The following FCHSD2 variants were observed in gnomAD, a reference collection of about 807,000 sequenced individuals.
FCHSD2 encodes the protein FCH and double SH3 domains 2.
Under a neutral mutation model 108.1 loss-of-function variants are expected in FCHSD2, and 38 were observed. That is an observed-to-expected ratio of 0.35 (90% CI 0.27 to 0.46). The LOEUF is 0.46. FCHSD2 is among the 20% of genes least tolerant of loss of function. The pLI, the probability that FCHSD2 is intolerant of heterozygous loss-of-function variation, is 1.00. For synonymous variants in FCHSD2, 279 were observed against 314.7 expected, an observed-to-expected ratio of 0.89 and a Z score of 1.20; for missense variants, 751 against 897.8, an observed-to-expected ratio of 0.84 and a Z score of 2.09.
intron 2 of FCHSD2, among the ~76,000 whole-genome samples, chr11:73,087,882 C>T (rs1169275376): frequency 1.3e-5 from 2 of 152,152 alleles, no homozygotes; most frequent in Non-Finnish European, 2.9e-5. Flanking sequence ...AAGTGCCCTA[C>T]ACAGTAATAC....
At chr11:72,856,085 T>A (rs999569171) in intron 13 of FCHSD2, among the ~76,000 whole-genome samples, 2 of 152,340 alleles carry the variant, frequency 1.3e-5, no homozygotes, top group South Asian at 4.1e-4. Context: ...ACAGGCAGGA[T>A]TGGCCTTCAT....
Position 72,840,952 on chromosome 11 carries a change from G to T in FCHSD2, c.2064C>A (p.Ser688Arg). Residue 688 changes from serine (S) to arginine (R), a missense_variant, in exon 19 of 20, where the codon AGC becomes AGA. Coordinates refer to ENST00000409418, the MANE Select transcript of FCHSD2 (RefSeq NM_014824.3). ...FPRSPSANEK[S>R]LHAESPGFSQ... Reference sequence around the variant, plus strand: ...AGAATCCTGGTGACTCAGCATGAAGGCTTTTTTCTAAGGGAGAAAACCAAA... The same window carrying T: ...AGAATCCTGGTGACTCAGCATGAAGTCTTTTTTCTAAGGGAGAAAACCAAA... 6.2e-7 allele frequency: 1 copy of T among 1,612,244 alleles called. No individual in the cohort carries two copies. Among genetic ancestry groups the T allele is most frequent in the Non-Finnish European group, 8.5e-7 (1 of 1,178,520 alleles).
At chr11:72,914,822 G>A (rs1333060248) in intron 9 of FCHSD2, among the ~76,000 whole-genome samples, 1 of 152,066 alleles carries the variant, frequency 6.6e-6, no homozygotes, top group South Asian at 2.1e-4. Flanking sequence ...ACATAGGCAT[G>A]GGCAAAGATT....
chr11:72,930,578 C>A (rs1301557575), intron 8 of FCHSD2, among the ~76,000 whole-genome samples: 1 of 152,108 alleles, frequency 6.6e-6, no homozygotes. Flanking sequence ...AACCCCGTCT[C>A]TACCAAAAAT....
rs1340081036 is a variant in FCHSD2 at position 73,015,817 on chromosome 11, A to G, written c.234T>C (p.Asn78=). 2.5e-6 allele frequency: 4 copies of G among 1,602,132 alleles called. No homozygotes were observed. In the South Asian group the frequency reaches 4.5e-5, roughly 18 times the overall value. The change falls in exon 4 of 20, where the codon AAT becomes AAC. Residue 78 remains asparagine, a synonymous_variant. Transcript: ENST00000409418. ...DWPGVKADDR[N]DYRSMYPVWK... ...AAAAACTACTAATTTACCTGTAATC[A>G]TTCCGATCATCAGCTTTTACTCCAG...
chr11:73,110,181 G>T (rs916482113), intron 2 of FCHSD2, among the ~76,000 whole-genome samples: 1 of 151,684 alleles, frequency 6.6e-6, no homozygotes, highest in African/African-American at 2.4e-5. Flanking sequence ...TTGGTCTTTG[G>T]TATCAGGGTA....
intron 9 of FCHSD2, among the ~76,000 whole-genome samples, chr11:72,910,625 G>A (rs1327190368): frequency 2.6e-5 from 4 of 152,078 alleles, no homozygotes; most frequent in Non-Finnish European, 5.9e-5. Context: ...CCTGAAGGCA[G>A]CATGCTCGTT....
chr11:72,977,865 T>C (rs1028073029), intron 8 of FCHSD2, among the ~76,000 whole-genome samples: 1 of 152,236 alleles, frequency 6.6e-6, no homozygotes, highest in Non-Finnish European at 1.5e-5. Context: ...CATGCACATA[T>C]ATGTTTACTG....
chr11:72,896,153 A>G (rs1391979042), intron 10 of FCHSD2, among the ~76,000 whole-genome samples: 3 of 152,230 alleles, frequency 2.0e-5, no homozygotes, highest in Non-Finnish European at 2.9e-5. Context: ...GCAGAATTAA[A>G]TATCAGAAAT....
intron 3 of FCHSD2, among the ~76,000 whole-genome samples, chr11:73,036,765 A>T (rs1858508339): frequency 6.6e-6 from 1 of 152,238 alleles, no homozygotes; most frequent in South Asian, 2.1e-4. Context: ...TTCAACCCTC[A>T]AGAAGTCTTC....
intron 12 of FCHSD2, among the ~76,000 whole-genome samples, chr11:72,885,133 T>G (rs1180526863): frequency 6.6e-6 from 1 of 152,218 alleles, no homozygotes; most frequent in Non-Finnish European, 1.5e-5. Flanking sequence ...ATCCAAAAAT[T>G]TTATTATGAT....
intron 3 of FCHSD2, among the ~76,000 whole-genome samples, chr11:73,072,037 C>T (rs1197915242): frequency 6.6e-6 from 1 of 151,838 alleles, no homozygotes; most frequent in Non-Finnish European, 1.5e-5. Flanking sequence ...CAAACTCAAC[C>T]AGTGGGACCA....
chr11:73,010,339 TG>T (rs1161982126), intron 4 of FCHSD2, among the ~76,000 whole-genome samples: 1 of 152,254 alleles, frequency 6.6e-6, no homozygotes, highest in South Asian at 2.1e-4. Context: ...AGAATTTTCT[TG>T]TATCTCATTG....
chr11:73,087,495 C>T (rs960676813), intron 2 of FCHSD2, among the ~76,000 whole-genome samples: 2 of 152,038 alleles, frequency 1.3e-5, no homozygotes, highest in African/African-American at 4.8e-5. Context: ...CACTTGAGGT[C>T]AGGAGTTTGA....
chr11:72,965,374 A>AGT (rs1314265863), intron 8 of FCHSD2, among the ~76,000 whole-genome samples: 4 of 152,180 alleles, frequency 2.6e-5, no homozygotes, highest in African/African-American at 9.6e-5. Context: ...TCTATGCACT[A>AGT]AAACACAGTA....
At chr11:72,943,071 A>T (rs1157946929) in intron 8 of FCHSD2, among the ~76,000 whole-genome samples, 1 of 152,130 alleles carries the variant, frequency 6.6e-6, no homozygotes, top group Non-Finnish European at 1.5e-5. Context: ...GGCTCACTAC[A>T]ACCTCCGCCT....
At chr11:72,866,254 G>A (rs1264056508) in intron 13 of FCHSD2, among the ~76,000 whole-genome samples, 2 of 114,114 alleles carry the variant, frequency 1.8e-5, no homozygotes, top group Admixed American at 9.6e-5. Flanking sequence ...ACTCTGTTCT[G>A]TTTTTTGTTT....
intron 8 of FCHSD2, among the ~76,000 whole-genome samples, chr11:72,929,826 C>T (rs1856152701): frequency 6.6e-6 from 1 of 152,184 alleles, no homozygotes; most frequent in East Asian, 1.9e-4. Context: ...ATATACATGT[C>T]AGATTTTCCC....
intron 8 of FCHSD2, chr11:72,940,569 A>C: frequency 1.7e-6 from 2 of 1,183,988 alleles, no homozygotes; most frequent in Admixed American, 3.4e-5. Context: ...TTCTTCTGAG[A>C]GTCAGCTGCT....
Sources: gnomAD v4.1 joint callset for allele counts (sites outside exome capture counted in the v4.1 genomes callset) on GRCh38, gnomAD v4.1.1 for gene constraint, MANE v1.5 for transcripts, NCBI Gene and HGNC (gene_info 2026-07-23, HGNC 2026-07-21) for gene names.